The following NRG3 variants were observed in gnomAD, a reference collection of about 807,000 sequenced individuals.
The protein encoded by NRG3 is pro-neuregulin-3, membrane-bound isoform.
NRG3 carries 31 observed loss-of-function variants against 66.9 expected under a neutral mutation model. The observed-to-expected ratio is 0.46, with a 90% CI of 0.35 to 0.63. The LOEUF is 0.63. NRG3 is among the 20% of genes least tolerant of loss of function. NRG3 has a pLI of 0.00. For synonymous variants in NRG3, 393 were observed against 359.4 expected (o/e 1.09, Z -1.06); for missense variants, 910 against 878.9 (o/e 1.04, Z -0.45).
chr10:82,609,370 G>C (rs2048165350), intron 2 of NRG3, among the ~76,000 whole-genome samples: 1 of 152,102 alleles, frequency 6.6e-6, no homozygotes, highest in African/African-American at 2.4e-5. Flanking sequence ...TAGCTTTATT[G>C]AACTTAGCAA....
At chr10:82,805,478 A>G (rs1216566521) in intron 3 of NRG3, among the ~76,000 whole-genome samples, 1 of 151,906 alleles carries the variant, frequency 6.6e-6, no homozygotes, top group Non-Finnish European at 1.5e-5. Context: ...TCTTTTTAGT[A>G]CCCTTCCCCT....
intron 1 of NRG3, among the ~76,000 whole-genome samples, chr10:82,259,555 G>T (rs1159789741): frequency 6.6e-6 from 1 of 152,192 alleles, no homozygotes; most frequent in Middle Eastern, 3.4e-3. Context: ...CTTAGAAAAA[G>T]AAATATTAAG....
intron 2 of NRG3, among the ~76,000 whole-genome samples, chr10:82,618,547 T>C (rs2048819092): frequency 6.6e-6 from 1 of 152,152 alleles, no homozygotes; most frequent in Non-Finnish European, 1.5e-5. Flanking sequence ...GGGTGATATT[T>C]CATTAAGCAT....
At chr10:82,656,429 G>A (rs185413532) in intron 2 of NRG3, among the ~76,000 whole-genome samples, 51 of 150,380 alleles carry the variant, frequency 3.4e-4, no homozygotes, top group Admixed American at 9.3e-4. Context: ...CAATTACATA[G>A]GTGTCCACTT....
intron 3 of NRG3, among the ~76,000 whole-genome samples, chr10:82,816,623 T>C (rs2061717242): frequency 6.6e-6 from 1 of 152,202 alleles, no homozygotes; most frequent in Non-Finnish European, 1.5e-5. Context: ...AAGGTGGGTC[T>C]TTACCCCTTC....
At chr10:82,381,200 C>T (rs542909204) in intron 2 of NRG3, among the ~76,000 whole-genome samples, 1 of 152,130 alleles carries the variant, frequency 6.6e-6, no homozygotes, top group East Asian at 1.9e-4. Flanking sequence ...ATAGAGGGCT[C>T]CTGAATCCAG....
chr10:81,951,454 G>C (rs570964986), intron 1 of NRG3, among the ~76,000 whole-genome samples: 1 of 152,192 alleles, frequency 6.6e-6, no homozygotes, highest in African/African-American at 2.4e-5. Context: ...TTGACATCCT[G>C]GAAACTCCTA....
chr10:82,827,204 T>TAAAA (rs5786573), intron 3 of NRG3: 2 of 193,204 alleles, frequency 1.0e-5, no homozygotes, highest in Non-Finnish European at 2.0e-5. Context: ...TACCAAATTG[T>TAAAA]AAAAAAAAAA....
rs563698122 is a variant in NRG3 at position 82,881,617 on chromosome 10, A to T, written c.1054+16180A>T. Among the ~76,000 whole-genome samples, 5 of 152,312 alleles carry T rather than the reference A, an allele frequency of 3.3e-5. No individual in the cohort carries two copies. The East Asian group carries it at 9.7e-4, about 29-fold the overall frequency. The stretch of plus-strand genomic sequence containing the variant: ...TTCAAGCACTGTAATAAACACACAC[A>T]CACACTGAAGCCAGGTGGACATTTA... On this transcript the variant is annotated intron_variant, in intron 4 of 8. Coordinates refer to ENST00000372141, the MANE Select transcript of NRG3 (RefSeq NM_001010848.4).
intron 2 of NRG3, among the ~76,000 whole-genome samples, chr10:82,469,696 G>T (rs943453168): frequency 6.6e-6 from 1 of 152,164 alleles, no homozygotes; most frequent in Non-Finnish European, 1.5e-5. Context: ...TGGCCTTGCC[G>T]AAGATTTCTG....
At chr10:82,259,832 T>C (rs2134189217) in intron 1 of NRG3, among the ~76,000 whole-genome samples, 1 of 152,230 alleles carries the variant, frequency 6.6e-6, no homozygotes, top group East Asian at 1.9e-4. Flanking sequence ...CTCAGGAGGC[T>C]GAGCGGGGAG....
At chr10:82,361,026 A>G (rs1202530772) in intron 2 of NRG3, among the ~76,000 whole-genome samples, 5 of 152,290 alleles carry the variant, frequency 3.3e-5, no homozygotes, top group Admixed American at 1.3e-4. Flanking sequence ...TTCTCCAAAT[A>G]TGATCACATT....
At chr10:82,315,641 A>G (rs1175558758) in intron 1 of NRG3, among the ~76,000 whole-genome samples, 1 of 151,796 alleles carries the variant, frequency 6.6e-6, no homozygotes, top group Non-Finnish European at 1.5e-5. Flanking sequence ...TCTGTGTCAA[A>G]GACAACAGAA....
intron 1 of NRG3, among the ~76,000 whole-genome samples, chr10:81,906,155 C>G (rs1319808827): frequency 6.6e-6 from 1 of 151,840 alleles, no homozygotes; most frequent in Non-Finnish European, 1.5e-5. Flanking sequence ...TACAGAACAC[C>G]CAGAGTAGTG....
At chr10:82,648,309 A>G (rs28828802) in intron 2 of NRG3, among the ~76,000 whole-genome samples, 3 of 151,570 alleles carry the variant, frequency 2.0e-5, no homozygotes, top group Non-Finnish European at 4.4e-5. Flanking sequence ...AAGATCAGAT[A>G]GTTGTAGATA....
At chr10:82,971,063 G>C (rs1040391237) in intron 6 of NRG3, among the ~76,000 whole-genome samples, 1 of 152,110 alleles carries the variant, frequency 6.6e-6, no homozygotes, top group Non-Finnish European at 1.5e-5. Context: ...CACATGGTGA[G>C]AGAGAAAAAA....
At chr10:82,518,141 G>A (rs1479983270) in intron 2 of NRG3, among the ~76,000 whole-genome samples, 1 of 152,156 alleles carries the variant, frequency 6.6e-6, no homozygotes, top group African/African-American at 2.4e-5. Context: ...CAGTGGAGTA[G>A]ACAAGAGGAG....
At chr10:82,806,690 G>A (rs1166100647) in intron 3 of NRG3, among the ~76,000 whole-genome samples, 2 of 152,122 alleles carry the variant, frequency 1.3e-5, no homozygotes, top group African/African-American at 2.4e-5. Context: ...AATCAGGAGG[G>A]AAAAAGAGAA....
intron 1 of NRG3, among the ~76,000 whole-genome samples, chr10:81,939,140 T>C (rs953509972): frequency 6.6e-6 from 1 of 152,106 alleles, no homozygotes; most frequent in African/African-American, 2.4e-5. Flanking sequence ...ATCTTTTTAA[T>C]GTGCTGTTGA....
Sources: gnomAD v4.1 joint callset for allele counts (sites outside exome capture counted in the v4.1 genomes callset) on GRCh38, gnomAD v4.1.1 for gene constraint, MANE v1.5 for transcripts, NCBI Gene and HGNC (gene_info 2026-07-23, HGNC 2026-07-21) for gene names.